PARD3B: variants seen among roughly 807,000 people sequenced by gnomAD.
PARD3B encodes partitioning defective 3 homolog B.
A neutral mutation model predicts 130.2 loss-of-function variants in PARD3B; 103 were observed. That is an observed-to-expected ratio of 0.79 (90% CI 0.67 to 0.93). The LOEUF is 0.93. Among genes scored for constraint, PARD3B ranks in the 40% least tolerant of loss-of-function variants. The probability of loss-of-function intolerance (pLI) is 0.00; values close to 1 mark genes in which losing one functional copy is unlikely to be tolerated. For missense variants in PARD3B, 1,609 were observed against 1,499.2 expected (o/e 1.07, Z -1.21); for synonymous variants, 583 against 553.2 (o/e 1.05, Z -0.76).
At chr2:205,518,029 C>T (rs900145338) in intron 21 of PARD3B, among the ~76,000 whole-genome samples, 2 of 151,972 alleles carry the variant, frequency 1.3e-5, no homozygotes, top group African/African-American at 4.8e-5. Flanking sequence ...CAGTATGTGC[C>T]ATGTGGTGAT....
intron 22 of PARD3B, among the ~76,000 whole-genome samples, chr2:205,595,298 T>C (rs145336338): frequency 3.2e-4 from 48 of 152,276 alleles, no homozygotes; most frequent in African/African-American, 1.1e-3. Context: ...TTTTGAAGCC[T>C]CAGGTCCATA....
chr2:205,145,328 C>CA (rs35788115), intron 10 of PARD3B, among the ~76,000 whole-genome samples: 3,278 of 145,256 alleles, frequency 0.023, 112 homozygotes, highest in African/African-American at 0.077. Context: ...GCCGCCCCCG[C>CA]AAAAAAAAAA....
chr2:205,015,263 T>C lies in PARD3B; in HGVS notation c.395-32318T>C, dbSNP rs1486091051. Among the ~76,000 whole-genome samples the C allele has an allele frequency of 6.6e-6, 1 of 152,164 alleles. No individual in the cohort carries two copies. The highest frequency in any genetic ancestry group is 1.5e-5 in the Non-Finnish European group (1 of 68,028). On this transcript the variant is annotated intron_variant, in intron 3 of 22. Transcript: ENST00000406610. The surrounding 1 kb of genome is among the most constrained non-coding windows in gnomAD (Gnocchi z 4.5). ...AAGACAAAATATATTTACTATTCAT[T>C]AAATGGAAGTAGATCAATATAAAGG... is the stretch of plus-strand genomic sequence containing the variant.
Position 205,158,672 on chromosome 2 carries a change from A to G in PARD3B, c.1435-50A>G. The G allele has an allele frequency of 6.6e-7, 1 of 1,512,552 alleles. No individual in the cohort carries two copies. The highest frequency in any genetic ancestry group is 9.1e-7 in the Non-Finnish European group (1 of 1,104,626). The allele number at this position is 1,512,552 out of a possible 1,614,324, so 93.7% of individuals were successfully genotyped here. A position where few individuals can be genotyped will look rare whatever the true frequency, so the allele number is the denominator to read the frequency against. ...GTCTGGTCATCTGAGAGAGTGAAAT[A>G]TTAATCTGCTTTCTTCTCTTCACTC... On this transcript the variant is annotated intron_variant, in intron 10 of 22. Transcript: ENST00000406610. This position sits in a 1 kb window ranked among gnomAD's most constrained non-coding sequence, Gnocchi z 5.4.
intron 2 of PARD3B, among the ~76,000 whole-genome samples, chr2:204,731,757 A>G (rs1279802369): frequency 1.3e-5 from 2 of 152,158 alleles, no homozygotes; most frequent in African/African-American, 4.8e-5. Flanking sequence ...ACTAAGTTAA[A>G]TATACAACTG....
intron 2 of PARD3B, among the ~76,000 whole-genome samples, chr2:204,880,587 A>G (rs1403874379): frequency 7.3e-6 from 1 of 137,806 alleles, no homozygotes; most frequent in Non-Finnish European, 1.5e-5. Flanking sequence ...TGAACCTGGG[A>G]GGCAGTGATT....
At chr2:204,625,839 T>A (rs73059031) in intron 1 of PARD3B, among the ~76,000 whole-genome samples, 5,854 of 152,260 alleles carry the variant, frequency 0.038, 287 homozygotes, top group East Asian at 0.13. Flanking sequence ...AGGTGATGAT[T>A]TACTGATGTA....
At chr2:205,234,523 T>C (rs571504404) in intron 15 of PARD3B, among the ~76,000 whole-genome samples, 1 of 152,140 alleles carries the variant, frequency 6.6e-6, no homozygotes, top group African/African-American at 2.4e-5. Context: ...CACCTAATAA[T>C]AGTGCTTCAA....
intron 15 of PARD3B, among the ~76,000 whole-genome samples, chr2:205,215,178 A>G (rs2037843418): frequency 6.6e-6 from 1 of 152,128 alleles, no homozygotes; most frequent in Admixed American, 6.6e-5. Flanking sequence ...TATTTCAATG[A>G]AAAGAGAAAA....
chr2:205,455,134 G>A (rs1237013057), intron 20 of PARD3B, among the ~76,000 whole-genome samples: 1 of 152,050 alleles, frequency 6.6e-6, no homozygotes, highest in African/African-American at 2.4e-5. Flanking sequence ...TTTAAAACCT[G>A]GCTCTGCCAC....
At chr2:205,184,145 A>C (rs145919346) in intron 13 of PARD3B, among the ~76,000 whole-genome samples, 1 of 152,136 alleles carries the variant, frequency 6.6e-6, no homozygotes, top group South Asian at 2.1e-4. Context: ...TTAAATGTGA[A>C]TCTTGTTTAA....
At chr2:204,633,449 A>T (rs1330849469) in intron 1 of PARD3B, among the ~76,000 whole-genome samples, 2 of 152,168 alleles carry the variant, frequency 1.3e-5, no homozygotes, top group Non-Finnish European at 2.9e-5. Flanking sequence ...TTCACATCTA[A>T]AAACAGTTAA....
chr2:205,499,960 C>G lies in PARD3B; in HGVS notation c.3109C>G (p.Arg1037Gly), dbSNP rs778405577. Reference protein sequence around the residue: ...QKLRKEYYQARREGFPLYEDD... With the variant: ...QKLRKEYYQAGREGFPLYEDD... ...GTTGCGGAAAGAGTATTATCAGGCT[C>G]GGAGGGAAGGTTTCCCTTTATATGA... is the stretch of plus-strand genomic sequence containing the variant. Residue 1037 changes from arginine to glycine, a missense_variant, in exon 21 of 23, where the codon CGG becomes GGG. By Grantham distance (125) the Arg-to-Gly change is moderately radical (BLOSUM62 -2). Coordinates refer to ENST00000406610, the MANE Select transcript of PARD3B (RefSeq NM_001302769.2). 1 of 1,613,774 alleles carries G rather than the reference C, an allele frequency of 6.2e-7. No individual in the cohort carries two copies. The highest frequency in any genetic ancestry group is 8.5e-7 in the Non-Finnish European group (1 of 1,179,732).
Position 205,253,475 on chromosome 2 carries a change from A to G in PARD3B, c.2185+7653A>G. On this transcript the variant is annotated intron_variant, in intron 16 of 22. Coordinates refer to ENST00000406610, the MANE Select transcript of PARD3B (RefSeq NM_001302769.2). The surrounding 1 kb of genome is among the most constrained non-coding windows in gnomAD (Gnocchi z 4.4). ...TCACCTTGTGGATGGATGCAAAGAGACCAAACTTGGCGGGCACTGGAAGTA... is the reference window on the plus strand; with the variant it reads ...TCACCTTGTGGATGGATGCAAAGAGGCCAAACTTGGCGGGCACTGGAAGTA... 1 of 559,888 alleles carries G rather than the reference A, an allele frequency of 1.8e-6. No individual in the cohort carries two copies. Among genetic ancestry groups the G allele is most frequent in the Non-Finnish European group, 3.6e-6 (1 of 276,594 alleles). The allele number at this position is 559,888 out of a possible 1,614,324, so 34.7% of individuals were successfully genotyped here.
chr2:205,549,003 A>T (rs1363195702), intron 21 of PARD3B, among the ~76,000 whole-genome samples: 2 of 152,194 alleles, frequency 1.3e-5, no homozygotes, highest in Non-Finnish European at 2.9e-5. Context: ...ACATATGGCA[A>T]ATAAGACTGT....
At chr2:204,939,385 G>A (rs1559280336) in intron 2 of PARD3B, among the ~76,000 whole-genome samples, 2 of 152,136 alleles carry the variant, frequency 1.3e-5, no homozygotes, top group African/African-American at 2.4e-5. Context: ...AAGGGGAGGT[G>A]ACATTGTCCT....
chr2:205,251,540 A>C (rs1325325428), intron 16 of PARD3B, among the ~76,000 whole-genome samples: 2 of 152,164 alleles, frequency 1.3e-5, no homozygotes, highest in South Asian at 2.1e-4. Context: ...CCATAGGGTG[A>C]TTGGATAGTC....
chr2:204,998,635 G>A (rs1331219529), intron 3 of PARD3B, among the ~76,000 whole-genome samples: 1 of 150,974 alleles, frequency 6.6e-6, no homozygotes, highest in African/African-American at 2.4e-5. Context: ...TTGATATAAA[G>A]GAATGTTAAA....
chr2:205,390,739 T>C (rs752350807), intron 18 of PARD3B, among the ~76,000 whole-genome samples: 1 of 152,198 alleles, frequency 6.6e-6, no homozygotes, highest in Non-Finnish European at 1.5e-5. Flanking sequence ...AAAAAAATCA[T>C]TTCTTCATAT....
Sources: gnomAD v4.1 joint callset for allele counts (sites outside exome capture counted in the v4.1 genomes callset) on GRCh38, gnomAD v4.1.1 for gene constraint, Gnocchi (gnomAD v3.1) non-coding constraint, MANE v1.5 for transcripts, NCBI Gene and HGNC (gene_info 2026-07-23, HGNC 2026-07-21) for gene names.